The following ATR variants were observed in gnomAD, a reference collection of about 807,000 sequenced individuals.
ATR encodes the protein serine/threonine-protein kinase ATR.
In ATR, 142 loss-of-function variants were observed where a neutral mutation model predicts 305.3. The observed-to-expected ratio is 0.47, with a 90% CI of 0.41 to 0.53. The LOEUF is 0.53. ATR is among the 20% of genes least tolerant of loss of function. The pLI, the probability that ATR is intolerant of heterozygous loss-of-function variation, is 0.00. For missense variants in ATR, 2,135 were observed against 3,133.1 expected, an observed-to-expected ratio of 0.68 and a Z score of 7.60; for synonymous variants, 1,050 against 1,068.1, an observed-to-expected ratio of 0.98 and a Z score of 0.33.
intron 21 of ATR, among the ~76,000 whole-genome samples, chr3:142,528,515 T>C (rs1159044826): frequency 1.3e-5 from 2 of 152,154 alleles, no homozygotes; most frequent in Admixed American, 6.6e-5. Context: ...TGAGAATTCC[T>C]GCTTTCTTAT....
chr3:142,505,274 A>G lies in ATR; in HGVS notation c.5061T>C (p.Asp1687=). ...TAATTGCACTGACTCCGGCCACTCC[A>G]TCAGGTTCATGCATAGCAGCATACA... is the stretch of plus-strand genomic sequence containing the variant. ...QKLYAAMHEP[D]GVAGVSAIRK... Residue 1687 remains aspartate, a synonymous_variant, in exon 29 of 47, where the codon GAT becomes GAC. Transcript: ENST00000350721. 1 of 1,614,090 alleles carries G rather than the reference A, an allele frequency of 6.2e-7. No individual in the cohort carries two copies. The highest frequency in any genetic ancestry group is 1.3e-5 in the African/African-American group (1 of 75,050).
At chr3:142,490,254 C>A (rs377549179) in intron 35 of ATR, among the ~76,000 whole-genome samples, 7 of 152,174 alleles carry the variant, frequency 4.6e-5, no homozygotes, top group African/African-American at 1.7e-4. Context: ...CAGGTTCTCA[C>A]TATATTGCCC....
intron 28 of ATR, among the ~76,000 whole-genome samples, chr3:142,506,957 T>C (rs896019629): frequency 6.6e-6 from 1 of 152,198 alleles, no homozygotes; most frequent in Non-Finnish European, 1.5e-5. Context: ...TAACACCCAC[T>C]GTGTAATTTT....
intron 1 of ATR, among the ~76,000 whole-genome samples, chr3:142,572,763 C>T (rs1420878889): frequency 6.6e-6 from 1 of 151,840 alleles, no homozygotes; most frequent in Non-Finnish European, 1.5e-5. Flanking sequence ...AACCAGACCC[C>T]TGTCTCCAAA....
intron 35 of ATR, among the ~76,000 whole-genome samples, chr3:142,492,080 C>A (rs773042360): frequency 2.0e-5 from 3 of 152,108 alleles, no homozygotes; most frequent in Non-Finnish European, 4.4e-5. Context: ...AGGCTTTGAT[C>A]TGGCAGGCAG....
At chr3:142,487,349 C>G (rs1048843645) in intron 35 of ATR, among the ~76,000 whole-genome samples, 2 of 152,148 alleles carry the variant, frequency 1.3e-5, no homozygotes, top group Non-Finnish European at 2.9e-5. Flanking sequence ...GTTTCCTAGG[C>G]TGGCCTTGAA....
intron 1 of ATR, among the ~76,000 whole-genome samples, 164 bp from the exon 2 acceptor site, chr3:142,568,318 C>G (rs1349061910): frequency 3.9e-5 from 6 of 152,002 alleles, no homozygotes; most frequent in Non-Finnish European, 8.8e-5. Flanking sequence ...ATGTTACCAA[C>G]TTACAAGAAA....
At chr3:142,560,513 T>C (rs2034838670) in intron 5 of ATR, 59 bp from the exon 6 acceptor site, 1 of 1,494,682 alleles carries the variant, frequency 6.7e-7, no homozygotes, top group South Asian at 1.2e-5. Context: ...GGTTAAAACA[T>C]GAAACATATT....
chr3:142,493,111 C>G, intron 35 of ATR, 21 bp downstream of exon 35: 1 of 1,606,662 alleles, frequency 6.2e-7, no homozygotes, highest in Non-Finnish European at 8.5e-7. Flanking sequence ...TTAACTGAAA[C>G]TGCATTATAC....
At chr3:142,577,341 A>G (rs1435121180) in intron 1 of ATR, among the ~76,000 whole-genome samples, 2 of 152,252 alleles carry the variant, frequency 1.3e-5, no homozygotes, top group Admixed American at 1.3e-4. Flanking sequence ...AGTTAATTCT[A>G]CTTTAAAGCA....
intron 16 of ATR, 101 bp from the exon 17 acceptor site, chr3:142,542,858 T>G: frequency 1.1e-6 from 1 of 932,726 alleles, no homozygotes; most frequent in East Asian, 2.7e-5. Flanking sequence ...TTTACCTAAC[T>G]AGATTAGCAT....
At position 142,550,185 on chromosome 3, in the gene ATR, A is replaced by G. The variant is rs922298899; in HGVS notation, c.2923T>C (p.Leu975=). ...AHQREMALNT[L]SEIANVFDFP... is the part of the protein sequence containing the mutation. ...TCGAAAACGTTGGCAATTTCAGACA[A>G]CGTATTTAAAGCCATTTCTCTCTGG... The change falls in exon 14 of 47, where the codon TTG becomes CTG. Residue 975 remains leucine, a synonymous_variant. Transcript: ENST00000350721. 1.2e-6 allele frequency: 2 copies of G among 1,614,064 alleles called. No homozygotes were observed. The highest frequency in any genetic ancestry group is 2.7e-5 in the African/African-American group (2 of 74,934).
At chr3:142,496,907 A>C in intron 33 of ATR, 106 bp downstream of exon 33, 4 of 1,320,584 alleles carry the variant, frequency 3.0e-6, no homozygotes, top group Non-Finnish European at 4.2e-6. Context: ...AAAAATAGAA[A>C]AATGTAGATT....
chr3:142,477,554 T>C (rs761828251), intron 36 of ATR, among the ~76,000 whole-genome samples: 4 of 152,176 alleles, frequency 2.6e-5, no homozygotes, highest in Non-Finnish European at 5.9e-5. Context: ...TAAAATTCTC[T>C]TTTTTTGTTG....
At chr3:142,575,219 A>G (rs1473809326) in intron 1 of ATR, among the ~76,000 whole-genome samples, 1 of 151,982 alleles carries the variant, frequency 6.6e-6, no homozygotes, top group African/African-American at 2.4e-5. Flanking sequence ...TATCCTTTTA[A>G]AAGTAGGCTC....
intron 37 of ATR, 76 bp from the exon 38 acceptor site, chr3:142,469,645 A>G: frequency 7.6e-7 from 1 of 1,319,124 alleles, no homozygotes; most frequent in Non-Finnish European, 1.1e-6. Flanking sequence ...CACAGAAGAA[A>G]AATTTTGCTT....
At chr3:142,539,364 A>G (rs1393962527) in intron 18 of ATR, among the ~76,000 whole-genome samples, 3 of 152,174 alleles carry the variant, frequency 2.0e-5, no homozygotes, top group Admixed American at 6.5e-5. Context: ...CAGAGAATCT[A>G]TAAGAGATTA....
chr3:142,466,861 G>T (rs372689732), intron 39 of ATR, among the ~76,000 whole-genome samples: 2 of 152,068 alleles, frequency 1.3e-5, no homozygotes, highest in South Asian at 4.1e-4. Flanking sequence ...ACCCTCAGTG[G>T]AAATATCAAA....
intron 35 of ATR, among the ~76,000 whole-genome samples, chr3:142,488,677 T>A (rs1234117822): frequency 6.6e-6 from 1 of 152,136 alleles, no homozygotes; most frequent in Non-Finnish European, 1.5e-5. Context: ...AAATTCCCTA[T>A]ACTACTACTA....
Sources: gnomAD v4.1 joint callset for allele counts (sites outside exome capture counted in the v4.1 genomes callset) on GRCh38, gnomAD v4.1.1 for gene constraint, MANE v1.5 for transcripts, NCBI Gene and HGNC (gene_info 2026-07-23, HGNC 2026-07-21) for gene names.